FBXL17: variants seen among roughly 807,000 people sequenced by gnomAD.
FBXL17 encodes the protein F-box and leucine rich repeat protein 17, also known as F-box/LRR-repeat protein 17.
A neutral mutation model predicts 66.2 loss-of-function variants in FBXL17; 22 were observed. That is an observed-to-expected ratio of 0.33 (90% CI 0.24 to 0.47). The LOEUF (loss-of-function observed/expected upper bound fraction) is 0.47, where lower values mean the gene tolerates loss of function less well. Ranked by LOEUF, FBXL17 falls within the 20% of genes least tolerant of loss-of-function variation. The pLI, the probability that FBXL17 is intolerant of heterozygous loss-of-function variation, is 1.00. For synonymous variants in FBXL17, 474 were observed against 400.5 expected, an observed-to-expected ratio of 1.18 and a Z score of -2.19; for missense variants, 878 against 948.2, an observed-to-expected ratio of 0.93 and a Z score of 0.97.
chr5:107,956,302 T>A (rs1245793862), intron 7 of FBXL17, among the ~76,000 whole-genome samples: 1 of 152,220 alleles, frequency 6.6e-6, no homozygotes, highest in African/African-American at 2.4e-5. Context: ...TCTGCGGGTA[T>A]GTTAAGGAAC....
At chr5:107,910,254 A>C (rs1281669560) in intron 7 of FBXL17, among the ~76,000 whole-genome samples, 1 of 152,154 alleles carries the variant, frequency 6.6e-6, no homozygotes, top group Non-Finnish European at 1.5e-5. Context: ...ACTAAGTATG[A>C]CGCAAATGAA....
intron 3 of FBXL17, among the ~76,000 whole-genome samples, chr5:108,357,828 AAAG>A (rs1379026420): frequency 1.4e-4 from 22 of 152,070 alleles, no homozygotes; most frequent in Non-Finnish European, 3.1e-4. Flanking sequence ...CACATGGGTA[AAAG>A]AAGAAACTTC....
chr5:108,018,455 A>C (rs548971356), intron 7 of FBXL17, among the ~76,000 whole-genome samples: 1 of 152,110 alleles, frequency 6.6e-6, no homozygotes, highest in Non-Finnish European at 1.5e-5. Context: ...CTCATATAGC[A>C]TTGGCATTGT....
chr5:107,979,775 G>C (rs1270099404), intron 7 of FBXL17, among the ~76,000 whole-genome samples: 1 of 152,182 alleles, frequency 6.6e-6, no homozygotes, highest in Non-Finnish European at 1.5e-5. Context: ...TGAACCCTGA[G>C]TGATCCTTCA....
rs144989143 is a variant in FBXL17 at position 108,077,451 on chromosome 5, C to T, written c.1746-56450G>A. Among the ~76,000 whole-genome samples the T allele has an allele frequency of 3.6e-3, 547 of 152,140 alleles. 5 individuals carry two copies. The highest frequency in any genetic ancestry group is 0.014 in the Middle Eastern group (4 of 294). On this transcript the variant is annotated intron_variant, in intron 6 of 8. Transcript: ENST00000542267. ...GGCCAAGGCAAGAGGATCACTTGAG[C>T]CCAGGAGTTTTAGACCAGCCTAGGT...
At chr5:108,187,719 G>A (rs1247558666) in intron 5 of FBXL17, among the ~76,000 whole-genome samples, 1 of 152,158 alleles carries the variant, frequency 6.6e-6, no homozygotes, top group Admixed American at 6.5e-5. Context: ...AAAACCTGTA[G>A]GAGTGAGCAA....
chr5:108,294,706 T>C (rs1758274540), intron 4 of FBXL17, among the ~76,000 whole-genome samples: 1 of 152,100 alleles, frequency 6.6e-6, no homozygotes, highest in Non-Finnish European at 1.5e-5. Flanking sequence ...AAGTCTTTAC[T>C]CTGAACTTGG....
At chr5:108,044,856 A>G (rs1249516857) in intron 6 of FBXL17, among the ~76,000 whole-genome samples, 2 of 151,980 alleles carry the variant, frequency 1.3e-5, no homozygotes, top group African/African-American at 4.8e-5. Context: ...TTTGTATTGG[A>G]TAAGTTGTGG....
chr5:107,940,352 C>T lies in FBXL17; in HGVS notation c.1823-59173G>A, dbSNP rs76205122. 3.3e-3 allele frequency among the ~76,000 whole-genome samples: 495 copies of T among 152,146 alleles called. 3 individuals carry two copies. Among genetic ancestry groups the T allele is most frequent in the African/African-American group, 0.011 (472 of 41,504 alleles). On this transcript the variant is annotated intron_variant, in intron 7 of 8. Transcript: ENST00000542267. ...GGCCTGAATCCAACTACCACATAAA[C>T]TCAGTTTTTTGGAGGAGGGGGACAC...
At chr5:108,045,120 A>G (rs560731181) in intron 6 of FBXL17, among the ~76,000 whole-genome samples, 1 of 152,052 alleles carries the variant, frequency 6.6e-6, no homozygotes, top group South Asian at 2.1e-4. Flanking sequence ...ACTGTTTTCA[A>G]TTTCATTGAT....
At chr5:107,991,125 T>C (rs1462541785) in intron 7 of FBXL17, among the ~76,000 whole-genome samples, 1 of 152,160 alleles carries the variant, frequency 6.6e-6, no homozygotes, top group African/African-American at 2.4e-5. Context: ...ACTTAGATTA[T>C]TGTTACTGTA....
intron 4 of FBXL17, among the ~76,000 whole-genome samples, chr5:108,246,284 T>C (rs2150107775): frequency 6.6e-6 from 1 of 152,346 alleles, no homozygotes; most frequent in South Asian, 2.1e-4. Flanking sequence ...GAGGATCACT[T>C]GAGCCTTGGA....
intron 6 of FBXL17, among the ~76,000 whole-genome samples, chr5:108,022,043 C>G (rs1030636478): frequency 6.6e-6 from 1 of 151,746 alleles, no homozygotes; most frequent in Admixed American, 6.6e-5. Context: ...AAATTTTATA[C>G]AATTTTACTT....
intron 4 of FBXL17, among the ~76,000 whole-genome samples, chr5:108,327,455 A>G (rs984196743): frequency 1.3e-5 from 2 of 152,198 alleles, no homozygotes; most frequent in Non-Finnish European, 2.9e-5. Flanking sequence ...AATGATTTCA[A>G]TATTTGCCAT....
intron 7 of FBXL17, among the ~76,000 whole-genome samples, chr5:107,981,316 TATC>T (rs1752818756): frequency 6.6e-6 from 1 of 152,208 alleles, no homozygotes; most frequent in Non-Finnish European, 1.5e-5. Flanking sequence ...AGAATTCTGG[TATC>T]AGCCTAACAT....
intron 7 of FBXL17, among the ~76,000 whole-genome samples, chr5:107,997,734 A>C (rs1179244570): frequency 6.6e-6 from 1 of 152,256 alleles, no homozygotes; most frequent in East Asian, 1.9e-4. Context: ...GGATGTGATT[A>C]TAAAAAGAAA....
chr5:108,165,707 G>A (rs938148238), intron 6 of FBXL17, among the ~76,000 whole-genome samples: 6 of 152,178 alleles, frequency 3.9e-5, no homozygotes, highest in Non-Finnish European at 7.3e-5. Context: ...TGTTAGATGG[G>A]TTGTCCTGCT....
Position 108,347,586 on chromosome 5 carries a change from C to T in FBXL17, c.1506+813G>A, listed in dbSNP as rs149319139. 2.5e-3 allele frequency among the ~76,000 whole-genome samples: 384 copies of T among 152,244 alleles called. 4 individuals carry two copies. The highest frequency in any genetic ancestry group is 9.0e-3 in the African/African-American group (374 of 41,546). On this transcript the variant is annotated intron_variant, in intron 4 of 8. Coordinates refer to ENST00000542267, the MANE Select transcript of FBXL17 (RefSeq NM_001163315.3). ...TGCTGAGACACCAGAAACAAGACCA[C>T]GTATCACGTGATTCCATTTATACAA...
At chr5:108,277,609 T>A (rs1757534849) in intron 4 of FBXL17, among the ~76,000 whole-genome samples, 1 of 152,154 alleles carries the variant, frequency 6.6e-6, no homozygotes, top group Non-Finnish European at 1.5e-5. Context: ...ATTTGGTCAT[T>A]CTGAAAAGAG....
Sources: gnomAD v4.1 joint callset for allele counts (sites outside exome capture counted in the v4.1 genomes callset) on GRCh38, gnomAD v4.1.1 for gene constraint, MANE v1.5 for transcripts, NCBI Gene and HGNC (gene_info 2026-07-23, HGNC 2026-07-21) for gene names.